Variants in RGS7 observed in about 807,000 individuals in gnomAD.
The protein encoded by RGS7 is regulator of G protein signaling 7, also known as regulator of G-protein signaling 7.
A neutral mutation model predicts 81.1 loss-of-function variants in RGS7; 27 were observed. That is an observed-to-expected ratio of 0.33 (90% CI 0.25 to 0.46). The LOEUF is 0.46. Among genes scored for constraint, RGS7 ranks in the 20% least tolerant of loss-of-function variants. The probability of loss-of-function intolerance (pLI) is 1.00; values close to 1 mark genes in which losing one functional copy is unlikely to be tolerated. For synonymous variants in RGS7, 208 were observed against 207.7 expected (o/e 1.00, Z -0.01); for missense variants, 396 against 607.4 (o/e 0.65, Z 3.66).
intron 2 of RGS7, among the ~76,000 whole-genome samples, chr1:241,157,801 T>TTTTTCTTTTC (rs199641312): frequency 6.8e-6 from 1 of 147,882 alleles, no homozygotes; most frequent in Non-Finnish European, 1.5e-5. Context: ...TAAATAAACT[T>TTTTTCTTTTC]TTTTCTTTTC....
At chr1:240,897,110 T>C (rs1437498135) in intron 6 of RGS7, among the ~76,000 whole-genome samples, 1 of 152,198 alleles carries the variant, frequency 6.6e-6, no homozygotes. Context: ...GGAATGCTTG[T>C]GATTTTTGTA....
Position 240,929,974 on chromosome 1 carries a change from C to T in RGS7, c.385+743G>A, listed in dbSNP as rs1010383617. On this transcript the variant is annotated intron_variant, in intron 6 of 18. Coordinates refer to ENST00000440928, the MANE Select transcript of RGS7 (RefSeq NM_001364886.1). ...GTGTCAATGAACTCAGTCCCCTTTG[C>T]GAACCTAGCATCTTCTACTGCACTG... 2.6e-5 allele frequency among the ~76,000 whole-genome samples: 4 copies of T among 152,168 alleles called. 1 individual carries two copies. Among genetic ancestry groups the T allele is most frequent in the South Asian group, 2.1e-4 (1 of 4,826 alleles).
chr1:240,799,168 A>G (rs988884167), intron 18 of RGS7, among the ~76,000 whole-genome samples: 3 of 152,148 alleles, frequency 2.0e-5, no homozygotes, highest in Non-Finnish European at 4.4e-5. Context: ...AAATAAAGGT[A>G]TTAAATAAAA....
chr1:241,168,641 A>G (rs1277327268), intron 2 of RGS7, among the ~76,000 whole-genome samples: 3 of 152,152 alleles, frequency 2.0e-5, no homozygotes, highest in Non-Finnish European at 4.4e-5. Flanking sequence ...GCCCCTATAG[A>G]GTTAATAAAA....
At chr1:241,084,635 G>A (rs767407311) in intron 3 of RGS7, among the ~76,000 whole-genome samples, 4 of 152,112 alleles carry the variant, frequency 2.6e-5, no homozygotes, top group Non-Finnish European at 5.9e-5. Flanking sequence ...CTCAAATTTT[G>A]CTCTTACCAG....
intron 3 of RGS7, among the ~76,000 whole-genome samples, chr1:241,015,657 A>G (rs1184297035): frequency 1.3e-5 from 2 of 152,196 alleles, no homozygotes; most frequent in Admixed American, 6.5e-5. Flanking sequence ...TTCCAATTTT[A>G]ACAAAATTTT....
At chr1:241,234,600 A>G (rs1194474398) in intron 2 of RGS7, among the ~76,000 whole-genome samples, 3 of 152,108 alleles carry the variant, frequency 2.0e-5, no homozygotes, top group Non-Finnish European at 4.4e-5. Context: ...CATGGGGCAA[A>G]GCAACAATAG....
At chr1:240,846,257 A>G (rs1659066556) in intron 9 of RGS7, among the ~76,000 whole-genome samples, 1 of 152,122 alleles carries the variant, frequency 6.6e-6, no homozygotes, top group African/African-American at 2.4e-5. Context: ...TCATCTCAAA[A>G]GTTTTTTTCC....
At chr1:241,188,285 T>A (rs958530131) in intron 2 of RGS7, among the ~76,000 whole-genome samples, 36 of 148,158 alleles carry the variant, frequency 2.4e-4, no homozygotes, top group Admixed American at 1.6e-3. Context: ...TCTTTTATCC[T>A]CACACACACA....
chr1:241,320,354 A>G (rs2081137998), intron 2 of RGS7, among the ~76,000 whole-genome samples: 1 of 152,200 alleles, frequency 6.6e-6, no homozygotes, highest in South Asian at 2.1e-4. Context: ...GAGATCCCTC[A>G]ATGAATTTAT....
intron 4 of RGS7, among the ~76,000 whole-genome samples, chr1:240,970,792 C>G (rs1683080157): frequency 6.6e-6 from 1 of 152,118 alleles, no homozygotes; most frequent in African/African-American, 2.4e-5. Flanking sequence ...CAAGACCAGC[C>G]TGGCCAACAT....
chr1:240,927,031 T>C (rs1558476483), intron 6 of RGS7, among the ~76,000 whole-genome samples: 1 of 152,134 alleles, frequency 6.6e-6, no homozygotes, highest in Non-Finnish European at 1.5e-5. Flanking sequence ...GTCAGGATAC[T>C]AACAAAATGA....
At chr1:240,999,094 A>G (rs1210092851) in intron 3 of RGS7, among the ~76,000 whole-genome samples, 1 of 152,014 alleles carries the variant, frequency 6.6e-6, no homozygotes, top group Non-Finnish European at 1.5e-5. Context: ...CGATTTTGCC[A>G]TTGAGCCCAT....
At chr1:241,091,585 AT>A in intron 3 of RGS7, among the ~76,000 whole-genome samples, 1 of 148,024 alleles carries the variant, frequency 6.8e-6, no homozygotes, top group Non-Finnish European at 1.5e-5. Context: ...AAATAAATAA[AT>A]AAATAAATAA....
At chr1:240,829,844 T>C (rs1055338304) in intron 9 of RGS7, among the ~76,000 whole-genome samples, 7 of 152,028 alleles carry the variant, frequency 4.6e-5, no homozygotes, top group Admixed American at 6.6e-5. Flanking sequence ...TATGATAAGA[T>C]GTGTCATAGA....
At position 241,068,184 on chromosome 1, in the gene RGS7, G is replaced by C. The variant is rs185320556; in HGVS notation, c.175+30482C>G. On this transcript the variant is annotated intron_variant, in intron 3 of 18. Transcript: ENST00000440928. ...TCAGTGGGTCAGTATTTTTATCAGA[G>C]AGAGTAAACTTTACTTTGCTTTTGG... is the stretch of plus-strand genomic sequence containing the variant. Among the ~76,000 whole-genome samples, 593 of 135,312 alleles carry C rather than the reference G, an allele frequency of 4.4e-3. 8 individuals are homozygous for C. Among genetic ancestry groups the C allele is most frequent in the Admixed American group, 0.022 (273 of 12,490 alleles). 88.8% of individuals were successfully genotyped at this position (135,312 alleles called of 152,430 possible).
At chr1:241,069,338 A>G (rs545416284) in intron 3 of RGS7, among the ~76,000 whole-genome samples, 1 of 152,296 alleles carries the variant, frequency 6.6e-6, no homozygotes, top group Non-Finnish European at 1.5e-5. Context: ...CACATCCCGA[A>G]TTTAAAAGCA....
chr1:240,833,192 G>A (rs1572322464), intron 9 of RGS7, among the ~76,000 whole-genome samples: 1 of 152,114 alleles, frequency 6.6e-6, no homozygotes, highest in African/African-American at 2.4e-5. Flanking sequence ...CAGGACAGTC[G>A]ATCTGATAAC....
At position 241,327,141 on chromosome 1, in the gene RGS7, A is replaced by AGAAG. The variant is rs1553320904; in HGVS notation, c.78+28557_78+28558insCTTC. Among the ~76,000 whole-genome samples the AGAAG allele has an allele frequency of 1.9e-4, 15 of 78,786 alleles. 1 individual carries two copies. In the East Asian group the frequency reaches 5.9e-3, roughly 31 times the overall value. 51.7% of individuals were successfully genotyped at this position (78,786 alleles called of 152,430 possible). ...AAGAAAGAAAGAAAGAAAGAAAGAA[A>AGAAG]GAAAGGAAAGAAAGAAAGAAAGAAA... On this transcript the variant is annotated intron_variant, in intron 2 of 18. Coordinates refer to ENST00000440928, the MANE Select transcript of RGS7 (RefSeq NM_001364886.1).
Sources: allele counts gnomAD v4.1 joint callset (sites outside exome capture counted in the v4.1 genomes callset), GRCh38; gene constraint gnomAD v4.1.1; transcripts MANE v1.5; gene names NCBI Gene and HGNC (gene_info 2026-07-23, HGNC 2026-07-21).